PPFIBP1: variants seen among roughly 807,000 people sequenced by gnomAD.
PPFIBP1 encodes the protein PPFIB scaffold protein 1, also known as liprin-beta-1.
PPFIBP1 carries 112 observed loss-of-function variants against 137.8 expected under a neutral mutation model. The ratio of observed to expected loss-of-function variants is 0.81; its 90% CI spans 0.70 to 0.95. The LOEUF is 0.95. PPFIBP1 is among the 40% of genes least tolerant of loss of function. The pLI, the probability that PPFIBP1 is intolerant of heterozygous loss-of-function variation, is 0.00. For synonymous variants in PPFIBP1, 378 were observed against 417.3 expected, an observed-to-expected ratio of 0.91 and a Z score of 1.15; for missense variants, 1,083 against 1,196.6, an observed-to-expected ratio of 0.91 and a Z score of 1.40.
chr12:27,674,952 A>G (rs1012680335), intron 17 of PPFIBP1, among the ~76,000 whole-genome samples: 1 of 148,650 alleles, frequency 6.7e-6, no homozygotes, highest in Non-Finnish European at 1.5e-5. Flanking sequence ...AGCTGGGATT[A>G]CAGGCGTGCA....
intron 4 of PPFIBP1, among the ~76,000 whole-genome samples, chr12:27,638,491 G>T (rs10842961): frequency 1.3e-5 from 2 of 151,578 alleles, no homozygotes; most frequent in African/African-American, 4.9e-5. Flanking sequence ...CTGAAGCTCT[G>T]TGTCTTGGTT....
chr12:27,558,596 A>AACAC (rs71039821), intron 1 of PPFIBP1, among the ~76,000 whole-genome samples: 35,285 of 119,424 alleles, frequency 0.3, 7,583 homozygotes, highest in Middle Eastern at 0.37. Context: ...CCTCTCCACC[A>AACAC]ACACACACAC....
chr12:27,570,734 C>T (rs2050071155), intron 1 of PPFIBP1, among the ~76,000 whole-genome samples: 1 of 151,726 alleles, frequency 6.6e-6, no homozygotes, highest in African/African-American at 2.4e-5. Flanking sequence ...CACAGTGAAA[C>T]CCTGTCTCTA....
At chr12:27,568,495 C>T (rs1235978667) in intron 1 of PPFIBP1, among the ~76,000 whole-genome samples, 5 of 152,198 alleles carry the variant, frequency 3.3e-5, no homozygotes, top group African/African-American at 7.2e-5. Flanking sequence ...CAGCTTCCAA[C>T]TGTGTAAGGA....
intron 2 of PPFIBP1, chr12:27,594,016 G>A (rs2052875366): frequency 9.7e-6 from 13 of 1,335,258 alleles, no homozygotes; most frequent in Middle Eastern, 2.0e-4. Flanking sequence ...CCTCTATGTC[G>A]CTGTTAGAGG....
chr12:27,544,819 A>G (rs1946059490), intron 1 of PPFIBP1, among the ~76,000 whole-genome samples: 1 of 152,254 alleles, frequency 6.6e-6, no homozygotes, highest in African/African-American at 2.4e-5. Context: ...TGTGGAAGAC[A>G]GTGTGGCGAT....
At chr12:27,552,670 T>C (rs1212341480) in intron 1 of PPFIBP1, 1 of 152,232 alleles carries the variant, frequency 6.6e-6, no homozygotes, top group Non-Finnish European at 1.5e-5. Context: ...ACTCATTTGA[T>C]AACTCTGAAC....
At chr12:27,654,595 C>T (rs533531857) in intron 7 of PPFIBP1, 127 bp from the exon 8 acceptor site, 1 of 1,201,798 alleles carries the variant, frequency 8.3e-7, no homozygotes, top group East Asian at 2.7e-5. Context: ...CCATTTGTCT[C>T]ATCTGATTCA....
chr12:27,545,713 C>T (rs1441108798), intron 1 of PPFIBP1, among the ~76,000 whole-genome samples: 2 of 152,168 alleles, frequency 1.3e-5, no homozygotes, highest in Non-Finnish European at 2.9e-5. Context: ...GCCAACTTGG[C>T]AAGAGTAAAA....
At chr12:27,662,826 G>A (rs867708191) in intron 11 of PPFIBP1, among the ~76,000 whole-genome samples, 2 of 152,232 alleles carry the variant, frequency 1.3e-5, no homozygotes, top group African/African-American at 4.8e-5. Context: ...GATTAGTGGG[G>A]AGTGAGACCC....
intron 2 of PPFIBP1, among the ~76,000 whole-genome samples, chr12:27,602,661 C>T (rs765102391): frequency 5.9e-5 from 9 of 152,202 alleles, no homozygotes; most frequent in Non-Finnish European, 1.0e-4. Context: ...TTCTAAGTAA[C>T]AACCCTCTGG....
At chr12:27,569,152 T>C (rs2049933790) in intron 1 of PPFIBP1, among the ~76,000 whole-genome samples, 1 of 152,202 alleles carries the variant, frequency 6.6e-6, no homozygotes, top group Non-Finnish European at 1.5e-5. Context: ...GAATGATCTT[T>C]TTGAAATTCT....
chr12:27,543,808 G>A (rs1353088451), intron 1 of PPFIBP1, among the ~76,000 whole-genome samples: 1 of 151,426 alleles, frequency 6.6e-6, no homozygotes, highest in Non-Finnish European at 1.5e-5. Context: ...GTAATAGTCA[G>A]TAGGAAATTC....
At chr12:27,683,986 AC>A (rs1488132143) in intron 24 of PPFIBP1, among the ~76,000 whole-genome samples, 3 of 151,850 alleles carry the variant, frequency 2.0e-5, no homozygotes, top group Non-Finnish European at 2.9e-5. Flanking sequence ...ACGGGGTTTC[AC>A]CATGTTAGCC....
chr12:27,543,281 T>C (rs1032958442), intron 1 of PPFIBP1, among the ~76,000 whole-genome samples: 1 of 152,244 alleles, frequency 6.6e-6, no homozygotes, highest in Non-Finnish European at 1.5e-5. Context: ...AGAATTATAA[T>C]CCAATGCAGT....
At chr12:27,543,983 T>A (rs1212247568) in intron 1 of PPFIBP1, among the ~76,000 whole-genome samples, 1 of 148,150 alleles carries the variant, frequency 6.7e-6, no homozygotes, top group Non-Finnish European at 1.5e-5. Flanking sequence ...AGGCTCAAGC[T>A]ATCCTCCCAC....
At chr12:27,603,867 A>G (rs557919778) in intron 2 of PPFIBP1, among the ~76,000 whole-genome samples, 12 of 152,340 alleles carry the variant, frequency 7.9e-5, no homozygotes, top group Admixed American at 1.3e-4. Context: ...TAAATTGGGT[A>G]GACAACCCCC....
intron 12 of PPFIBP1, among the ~76,000 whole-genome samples, chr12:27,665,103 G>T (rs1316308987): frequency 6.6e-6 from 1 of 152,106 alleles, no homozygotes; most frequent in Admixed American, 6.5e-5. Context: ...CAGGAGAATC[G>T]CCTGAACCCG....
chr12:27,586,894 T>G (rs2051824096), intron 2 of PPFIBP1, among the ~76,000 whole-genome samples: 1 of 152,160 alleles, frequency 6.6e-6, no homozygotes, highest in African/African-American at 2.4e-5. Flanking sequence ...TGTTCTTGAT[T>G]TGTGAGAAAC....
Sources: allele counts gnomAD v4.1 joint callset (sites outside exome capture counted in the v4.1 genomes callset), GRCh38; gene constraint gnomAD v4.1.1; transcripts MANE v1.5; gene names NCBI Gene and HGNC (gene_info 2026-07-23, HGNC 2026-07-21).